ZBTB43: variants seen among roughly 807,000 people sequenced by gnomAD.
ZBTB43 encodes the protein zinc finger and BTB domain-containing protein 43.
Under a neutral mutation model 31.1 loss-of-function variants are expected in ZBTB43, and 6 were observed. The observed-to-expected ratio is 0.19, with a 90% CI of 0.11 to 0.38. The LOEUF (loss-of-function observed/expected upper bound fraction) is 0.38. ZBTB43 is among the 10% of genes least tolerant of loss of function. ZBTB43 has a pLI of 1.00. For missense variants in ZBTB43, 379 were observed against 602.1 expected (o/e 0.63, Z 3.88); for synonymous variants, 212 against 221.7 (o/e 0.96, Z 0.39).
intron 1 of ZBTB43, among the ~76,000 whole-genome samples, chr9:126,808,459 C>T (rs529715413): frequency 1.3e-5 from 2 of 152,194 alleles, no homozygotes; most frequent in Admixed American, 1.3e-4. Flanking sequence ...TAGCACTGTT[C>T]CAAAGGATAT....
intron 2 of ZBTB43, among the ~76,000 whole-genome samples, chr9:126,816,387 A>C (rs1038101197): frequency 6.6e-6 from 1 of 152,030 alleles, no homozygotes; most frequent in Non-Finnish European, 1.5e-5. Context: ...CTTTTTTCAT[A>C]TCATTCTACT....
At chr9:126,806,925 A>G (rs1036618893) in intron 1 of ZBTB43, among the ~76,000 whole-genome samples, 1 of 152,240 alleles carries the variant, frequency 6.6e-6, no homozygotes, top group Non-Finnish European at 1.5e-5. Context: ...GAATGTGCTC[A>G]TAAGTAGGAT....
chr9:126,814,431 A>G (rs929367288), intron 2 of ZBTB43, among the ~76,000 whole-genome samples: 2 of 150,476 alleles, frequency 1.3e-5, no homozygotes, highest in Non-Finnish European at 3.0e-5. Flanking sequence ...TTTTGTTTTC[A>G]TGTGACTTTT....
chr9:126,816,992 G>A (rs940235589), intron 2 of ZBTB43, among the ~76,000 whole-genome samples: 1 of 151,916 alleles, frequency 6.6e-6, no homozygotes, highest in African/African-American at 2.4e-5. Flanking sequence ...TTTTAGCTCT[G>A]GGACTCCCAA....
At chr9:126,826,454 C>CTTTTTTTTTTTTTTTTTTTTT (rs35094731) in intron 2 of ZBTB43, among the ~76,000 whole-genome samples, 1 of 53,598 alleles carries the variant, frequency 1.9e-5, no homozygotes, top group African/African-American at 5.4e-5. Flanking sequence ...GCCCCCCCGC[C>CTTTTTTTTTTTTTTTTTTTTT]TTTTTTTTTT....
chr9:126,827,473 T>G (rs531283458), intron 2 of ZBTB43, among the ~76,000 whole-genome samples: 2 of 152,350 alleles, frequency 1.3e-5, no homozygotes, highest in South Asian at 4.1e-4. Context: ...TGGGGATTTA[T>G]GCACACTGAT....
chr9:126,828,642 A>ATTATTATT lies in ZBTB43; in HGVS notation c.-23-3845_-23-3844insTTATTATT, dbSNP rs1554742714. Among the ~76,000 whole-genome samples, 869 of 126,514 alleles carry ATTATTATT rather than the reference A, an allele frequency of 6.9e-3. 16 individuals are homozygous for ATTATTATT. The highest frequency in any genetic ancestry group is 0.032 in the African/African-American group (769 of 24,354). The allele number at this position is 126,514 out of a possible 152,430, so 83.0% of individuals were successfully genotyped here. The stretch of plus-strand genomic sequence containing the variant: ...ACCCCCATCTCTAAATAATAATAAT[A>ATTATTATT]ATAATAATAATAATTATTATTATTA... On this transcript the variant is annotated intron_variant, in intron 2 of 2. Coordinates refer to ENST00000373464, the MANE Select transcript of ZBTB43 (RefSeq NM_014007.4).
At chr9:126,804,812 A>T (rs1385588810), upstream of ZBTB43, among the ~76,000 whole-genome samples, 2 of 152,110 alleles carry the variant, frequency 1.3e-5, no homozygotes. Flanking sequence ...AAGGTTTAGA[A>T]CTCAGTATCT....
At chr9:126,817,203 C>T (rs1390571840) in intron 2 of ZBTB43, among the ~76,000 whole-genome samples, 2 of 149,848 alleles carry the variant, frequency 1.3e-5, no homozygotes, top group Non-Finnish European at 3.0e-5. Flanking sequence ...CCTCGACCTC[C>T]CCTGTTCAAG....
rs779351116 is a variant in ZBTB43 at position 126,833,694 on chromosome 9, C to T, written c.1185C>T (p.Leu395=). The T allele has an allele frequency of 5.6e-6, 9 of 1,607,176 alleles. No individual in the cohort carries two copies. The highest frequency in any genetic ancestry group is 1.7e-5 in the Admixed American group (1 of 59,858). ...SQRDRHMSMH[L]GLRPYGCGVC... ...GAGATCGGCACATGAGCATGCACCT[C>T]GGTCTTCGGCCTTACGGCTGTGGGG... The change falls in exon 3 of 3, where the codon CTC becomes CTT. Residue 395 remains leucine (L), a synonymous_variant. Transcript: ENST00000373464. This position sits in a 1 kb window ranked among gnomAD's most constrained non-coding sequence, Gnocchi z 7.9.
At chr9:126,815,270 AAC>A (rs2032353520) in intron 2 of ZBTB43, among the ~76,000 whole-genome samples, 1 of 126,578 alleles carries the variant, frequency 7.9e-6, no homozygotes. Flanking sequence ...CAATATATAA[AAC>A]TATATATATA....
intron 2 of ZBTB43, chr9:126,831,949 A>C (rs2032772577): frequency 7.1e-6 from 1 of 141,422 alleles, no homozygotes; most frequent in South Asian, 2.2e-4. Flanking sequence ...CAAGAGCAAA[A>C]CTCTATCTCA....
chr9:126,808,250 ATGTT>A (rs771994533), intron 1 of ZBTB43, among the ~76,000 whole-genome samples: 1 of 152,206 alleles, frequency 6.6e-6, no homozygotes, highest in Non-Finnish European at 1.5e-5. Flanking sequence ...CTGTAATAGA[ATGTT>A]TGTCCTAGAA....
intron 2 of ZBTB43, among the ~76,000 whole-genome samples, chr9:126,828,562 G>T (rs1361683224): frequency 6.7e-6 from 1 of 149,450 alleles, no homozygotes; most frequent in Admixed American, 6.7e-5. Context: ...GGAGGCCGAG[G>T]CGGGAGGATT....
At chr9:126,824,174 G>T (rs12006179) in intron 2 of ZBTB43, among the ~76,000 whole-genome samples, 1 of 152,022 alleles carries the variant, frequency 6.6e-6, no homozygotes, top group South Asian at 2.1e-4. Flanking sequence ...TTACAGGTGC[G>T]CACCACCACG....
chr9:126,830,734 G>A (rs1324818774), intron 2 of ZBTB43, among the ~76,000 whole-genome samples: 3 of 151,134 alleles, frequency 2.0e-5, no homozygotes, highest in Admixed American at 1.3e-4. Context: ...AAATCGTTTG[G>A]GTGGTTTTTT....
At chr9:126,818,046 A>G (rs1178166416) in intron 2 of ZBTB43, among the ~76,000 whole-genome samples, 1 of 151,676 alleles carries the variant, frequency 6.6e-6, no homozygotes, top group Non-Finnish European at 1.5e-5. Context: ...CTTCCAATCC[A>G]TAAACAACAT....
Position 126,833,285 on chromosome 9 carries a change from A to T in ZBTB43, c.776A>T (p.Asp259Val), listed in dbSNP as rs201825288. The change falls in exon 3 of 3, where the codon GAT becomes GTT. Residue 259 changes from aspartate (D) to valine (V), a missense_variant. This residue lies in a region of ZBTB43 where 253 missense variants were observed against 322.3 expected (regional missense o/e 0.79). Coordinates refer to ENST00000373464, the MANE Select transcript of ZBTB43 (RefSeq NM_014007.4). This position sits in a 1 kb window ranked among gnomAD's most constrained non-coding sequence, Gnocchi z 7.9. Reference sequence around the variant, plus strand: ...TTAGAACAGGCTTGCGAGGGCATGGATGTGCACGCGACCTACGACGAGCAC... The same window carrying T: ...TTAGAACAGGCTTGCGAGGGCATGGTTGTGCACGCGACCTACGACGAGCAC... ...ERLEQACEGM[D>V]VHATYDEHQV... The T allele has an allele frequency of 6.2e-7, 1 of 1,613,512 alleles. No homozygotes were observed. Among genetic ancestry groups the T allele is most frequent in the East Asian group, 2.2e-5 (1 of 44,846 alleles).
At position 126,833,122 on chromosome 9, in the gene ZBTB43, C is replaced by T. The variant is rs372523361; in HGVS notation, c.613C>T (p.Arg205Cys). The change falls in exon 3 of 3, where the codon CGC becomes TGC. Residue 205 changes from arginine to cysteine, a missense_variant. Arg to Cys is a radical substitution (Grantham distance 180). Around this residue, in one of 5 missense-constraint regions of ZBTB43, gnomAD observed 253 missense variants for 322.3 expected, o/e 0.79. Coordinates refer to ENST00000373464, the MANE Select transcript of ZBTB43 (RefSeq NM_014007.4). This position sits in a 1 kb window ranked among gnomAD's most constrained non-coding sequence, Gnocchi z 7.9. ...CAGCAACTCGTCCACAGAGCATGACCGCCTGAGCACGGAAATGGCAAGCCA... is the reference window on the plus strand; with the variant it reads ...CAGCAACTCGTCCACAGAGCATGACTGCCTGAGCACGGAAATGGCAAGCCA... ...LPSNSSTEHD[R>C]LSTEMASQDG... 107 of 1,613,916 alleles carry T rather than the reference C, an allele frequency of 6.6e-5. No homozygotes were observed. The highest frequency in any genetic ancestry group is 8.2e-5 in the Non-Finnish European group (97 of 1,180,042).
Sources: gnomAD v4.1 joint callset for allele counts (sites outside exome capture counted in the v4.1 genomes callset) on GRCh38, gnomAD v4.1.1 for gene constraint, gnomAD v4.1.1 regional missense constraint, Gnocchi (gnomAD v3.1) non-coding constraint, MANE v1.5 for transcripts, NCBI Gene and HGNC (gene_info 2026-07-23, HGNC 2026-07-21) for gene names.